The following CNNM2 variants were observed in gnomAD, a reference collection of about 807,000 sequenced individuals.
CNNM2 encodes the protein cyclin and CBS domain divalent metal cation transport mediator 2, also known as metal transporter CNNM2.
Under a neutral mutation model 66.9 loss-of-function variants are expected in CNNM2, and 12 were observed. The observed-to-expected ratio is 0.18, with a 90% CI of 0.11 to 0.29. The LOEUF is 0.29. Ranked by LOEUF, CNNM2 falls within the 10% of genes least tolerant of loss-of-function variation. The pLI is 1.00. For synonymous variants in CNNM2, 557 were observed against 501.8 expected (o/e 1.11, Z -1.47); for missense variants, 705 against 1,167.7 (o/e 0.60, Z 5.77).
chr10:103,066,756 T>C (rs991305336), intron 4 of CNNM2, among the ~76,000 whole-genome samples: 24 of 152,226 alleles, frequency 1.6e-4, no homozygotes, highest in Admixed American at 1.2e-3. Context: ...TTGTGTGCCA[T>C]GTGGGCTGTT....
chr10:103,059,574 T>C (rs1224214276), intron 4 of CNNM2, among the ~76,000 whole-genome samples: 2 of 152,150 alleles, frequency 1.3e-5, no homozygotes, highest in East Asian at 3.8e-4. Context: ...TAAAAGTAGA[T>C]TTTTACACCA....
intron 4 of CNNM2, among the ~76,000 whole-genome samples, chr10:103,061,080 A>C (rs778232579): frequency 1.7e-4 from 26 of 152,202 alleles, no homozygotes; most frequent in Non-Finnish European, 3.4e-4. Context: ...AGCAAACTAA[A>C]AAAGAACAAA....
Position 102,961,369 on chromosome 10 carries a change from A to T in CNNM2, c.1621+41268A>T, listed in dbSNP as rs10883808. Among the ~76,000 whole-genome samples, 14,414 of 152,232 alleles carry T rather than the reference A, an allele frequency of 0.095. 880 individuals carry two copies. The highest frequency in any genetic ancestry group is 0.28 in the East Asian group (1,436 of 5,182). ...CATCATGAGCCAAGAGATAGCTCTCATTTATGAGATGAAGCTGAGAATATG... is the reference window on the plus strand; with the variant it reads ...CATCATGAGCCAAGAGATAGCTCTCTTTTATGAGATGAAGCTGAGAATATG... On this transcript the variant is annotated intron_variant, in intron 1 of 7. Transcript: ENST00000369878.
At chr10:102,986,561 T>TC (rs2063800810) in intron 1 of CNNM2, among the ~76,000 whole-genome samples, 1 of 151,808 alleles carries the variant, frequency 6.6e-6, no homozygotes, top group African/African-American at 2.4e-5. Context: ...GGTGGGCGGA[T>TC]CACGAGGTCA....
At position 102,918,491 on chromosome 10, in the gene CNNM2, G is replaced by C; in HGVS notation, c.11G>C (p.Cys4Ser). 3.7e-6 allele frequency: 6 copies of C among 1,607,068 alleles called. No homozygotes were observed. The highest frequency in any genetic ancestry group is 5.1e-6 in the Non-Finnish European group (6 of 1,178,320). Residue 4 changes from cysteine (C) to serine (S), a missense_variant, in exon 1 of 8, where the codon TGT becomes TCT. Around this residue, in one of 9 missense-constraint regions of CNNM2, gnomAD observed 98 missense variants for 73.6 expected, o/e 1.33. Transcript: ENST00000369878. This position sits in a 1 kb window ranked among gnomAD's most constrained non-coding sequence, Gnocchi z 4.1. ...TGGAGCAGCCACCCTATGATTGGCT[G>C]TGGCGCTTGTGAACCCAAAGTAAAG... MIG[C>S]GACEPKVKMA...
intron 1 of CNNM2, among the ~76,000 whole-genome samples, chr10:102,973,823 C>G: frequency 6.7e-6 from 1 of 149,552 alleles, no homozygotes; most frequent in East Asian, 2.0e-4. Flanking sequence ...TATTCCCCCC[C>G]CCCCTTTTTT....
intron 1 of CNNM2, among the ~76,000 whole-genome samples, chr10:103,001,961 G>A (rs770145802): frequency 2.6e-5 from 4 of 152,044 alleles, no homozygotes; most frequent in Admixed American, 2.0e-4. Flanking sequence ...CTGCCACTGC[G>A]CCCCAGCCTG....
At chr10:103,010,327 T>G (rs1399207294) in intron 1 of CNNM2, among the ~76,000 whole-genome samples, 1 of 151,946 alleles carries the variant, frequency 6.6e-6, no homozygotes, top group Non-Finnish European at 1.5e-5. Context: ...AGCCTGGACC[T>G]CCTGGGGTCA....
intron 2 of CNNM2, among the ~76,000 whole-genome samples, chr10:103,051,260 G>A (rs563241913): frequency 4.6e-5 from 7 of 151,974 alleles, no homozygotes; most frequent in South Asian, 2.1e-4. Flanking sequence ...GTGAAACTCC[G>A]TCTCTACTAA....
chr10:103,089,763 T>TTAATCTCAC lies in CNNM2; in HGVS notation c.*12588_*12596dup. 1 of 1,613,974 alleles carries TTAATCTCAC rather than the reference T, an allele frequency of 6.2e-7. No homozygotes were observed. The highest frequency in any genetic ancestry group is 8.5e-7 in the Non-Finnish European group (1 of 1,179,982). On this transcript the variant is annotated 3_prime_UTR_variant, in exon 8 of 8. Coordinates refer to ENST00000369878, the MANE Select transcript of CNNM2 (RefSeq NM_017649.5). ...GGCCAGTGGGAAGAGGTTGGGAGGTTTAATCTCACTAATTGACCGTGTCAG... is the reference window on the plus strand; with the variant it reads ...GGCCAGTGGGAAGAGGTTGGGAGGTTTAATCTCACTAATCTCACTAATTGACCGTGTCAG...
rs183287182 is a variant in CNNM2 at position 102,960,724 on chromosome 10, A to G, written c.1621+40623A>G. 1.5e-4 allele frequency among the ~76,000 whole-genome samples: 23 copies of G among 148,740 alleles called. No homozygotes were observed. In the East Asian group the frequency reaches 3.4e-3, roughly 22 times the overall value. ...GGCCTTGACCTCCCAGGCTCAAGCT[A>G]TCCTCCCGCCTCAGCCTCCCGAGTA... On this transcript the variant is annotated intron_variant, in intron 1 of 7. Coordinates refer to ENST00000369878, the MANE Select transcript of CNNM2 (RefSeq NM_017649.5).
At chr10:103,010,985 A>G (rs1157734170) in intron 1 of CNNM2, among the ~76,000 whole-genome samples, 1 of 152,186 alleles carries the variant, frequency 6.6e-6, no homozygotes, top group East Asian at 1.9e-4. Flanking sequence ...TTACTTTCTC[A>G]TAATCAGAGG....
intron 6 of CNNM2, among the ~76,000 whole-genome samples, chr10:103,075,152 G>C (rs897548480): frequency 6.6e-6 from 1 of 152,224 alleles, no homozygotes; most frequent in Non-Finnish European, 1.5e-5. Context: ...CCAAGGGCCA[G>C]CTCCTCCGAG....
rs960496777 is a variant in CNNM2 at position 103,085,427 on chromosome 10, C to T, written c.*8247C>T. Reference sequence around the variant, plus strand: ...CTTGGCAAATCTTCTTTCCAAGTATCTCAAGAACTTGTGAGACGTGGAAGG... The same window carrying T: ...CTTGGCAAATCTTCTTTCCAAGTATTTCAAGAACTTGTGAGACGTGGAAGG... On this transcript the variant is annotated 3_prime_UTR_variant, in exon 8 of 8. Transcript: ENST00000369878. The T allele has an allele frequency of 2.0e-5, 3 of 152,198 alleles. No individual in the cohort carries two copies. The highest frequency in any genetic ancestry group is 4.4e-5 in the Non-Finnish European group (3 of 68,032). The allele number at this position is 152,198 out of a possible 1,614,324, so 9.4% of individuals were successfully genotyped here. A position where few individuals can be genotyped will look rare whatever the true frequency, so the allele number is the denominator to read the frequency against.
At chr10:102,944,979 G>GTT (rs111973848) in intron 1 of CNNM2, among the ~76,000 whole-genome samples, 12 of 140,648 alleles carry the variant, frequency 8.5e-5, no homozygotes, top group East Asian at 2.0e-4. Flanking sequence ...TTTGTTTTTT[G>GTT]TTTTTTTTTT....
chr10:102,991,207 C>T (rs541697762), intron 1 of CNNM2, among the ~76,000 whole-genome samples: 2 of 152,132 alleles, frequency 1.3e-5, no homozygotes, highest in East Asian at 3.9e-4. Context: ...AGACTGGTCT[C>T]GAACTCCTGA....
intron 1 of CNNM2, among the ~76,000 whole-genome samples, chr10:103,034,989 A>AAAAAAAAAAT (rs2064908058): frequency 6.7e-6 from 1 of 150,016 alleles, no homozygotes; most frequent in Non-Finnish European, 1.5e-5. Flanking sequence ...AAAAAAAAAA[A>AAAAAAAAAAT]ATCTCCTACT....
chr10:103,003,069 C>A (rs1057144525), intron 1 of CNNM2, among the ~76,000 whole-genome samples: 1 of 151,232 alleles, frequency 6.6e-6, no homozygotes, highest in African/African-American at 2.4e-5. Flanking sequence ...TATTATTCAG[C>A]CATAAAAAGG....
chr10:102,990,746 A>C (rs1015990260), intron 1 of CNNM2, among the ~76,000 whole-genome samples: 3 of 151,408 alleles, frequency 2.0e-5, no homozygotes, highest in Non-Finnish European at 4.4e-5. Context: ...CTTTCCATCC[A>C]CTCTTGCATT....
Sources: gnomAD v4.1 joint callset for allele counts (sites outside exome capture counted in the v4.1 genomes callset) on GRCh38, gnomAD v4.1.1 for gene constraint, gnomAD v4.1.1 regional missense constraint, Gnocchi (gnomAD v3.1) non-coding constraint, MANE v1.5 for transcripts, NCBI Gene and HGNC (gene_info 2026-07-23, HGNC 2026-07-21) for gene names.